Variants in CDH20 observed in about 807,000 individuals in gnomAD.
CDH20 encodes cadherin-20.
Under a neutral mutation model 74.2 loss-of-function variants are expected in CDH20, and 29 were observed. That is an observed-to-expected ratio of 0.39 (90% CI 0.29 to 0.53). CDH20 has a LOEUF of 0.53. Among genes scored for constraint, CDH20 ranks in the 20% least tolerant of loss-of-function variants. The probability of loss-of-function intolerance (pLI) is 0.69; values close to 1 mark genes in which losing one functional copy is unlikely to be tolerated. For synonymous variants in CDH20, 469 were observed against 405.4 expected, an observed-to-expected ratio of 1.16 and a Z score of -1.88; for missense variants, 988 against 1,048.3, an observed-to-expected ratio of 0.94 and a Z score of 0.79.
At chr18:61,408,416 G>A (rs953456368) in intron 1 of CDH20, among the ~76,000 whole-genome samples, 14 of 152,104 alleles carry the variant, frequency 9.2e-5, no homozygotes, top group Non-Finnish European at 8.8e-5. Context: ...AAAGACATAA[G>A]GTTTTAGGCT....
chr18:61,490,477 A>G lies in CDH20; in HGVS notation c.-77A>G. 6.8e-7 allele frequency: 1 copy of G among 1,461,444 alleles called. No individual in the cohort carries two copies. Among genetic ancestry groups the G allele is most frequent in the Non-Finnish European group, 9.5e-7 (1 of 1,057,476 alleles). 90.5% of individuals were successfully genotyped at this position (1,461,444 alleles called of 1,614,324 possible). ...ATAAGTGTCCAATCAAAAACTGTGT[A>G]TTTTTTTAAATTTGGAAAATACTCA... On this transcript the variant is annotated 5_prime_UTR_variant, in exon 2 of 12. Coordinates refer to ENST00000262717, the MANE Select transcript of CDH20 (RefSeq NM_031891.4).
intron 9 of CDH20, among the ~76,000 whole-genome samples, chr18:61,541,759 T>C (rs78624803): frequency 0.015 from 2,243 of 152,314 alleles, 60 homozygotes; most frequent in African/African-American, 0.051. Flanking sequence ...CAGCTTCACA[T>C]CTGACAAGTC....
chr18:61,395,348 G>A lies in CDH20; in HGVS notation c.-153+61521G>A, dbSNP rs143879172. On this transcript the variant is annotated intron_variant, in intron 1 of 11. Coordinates refer to ENST00000262717, the MANE Select transcript of CDH20 (RefSeq NM_031891.4). ...TAATATATAAAATTCATAGTGCAGT[G>A]CCTGGTACTTGATAAGCACTGAATA... Among the ~76,000 whole-genome samples the A allele has an allele frequency of 3.0e-3, 454 of 152,280 alleles. 1 individual carries two copies. The highest frequency in any genetic ancestry group is 0.02 in the Middle Eastern group (6 of 294).
intron 10 of CDH20, among the ~76,000 whole-genome samples, chr18:61,548,052 TG>T (rs1913313702): frequency 6.6e-6 from 1 of 152,196 alleles, no homozygotes; most frequent in African/African-American, 2.4e-5. Context: ...ACCTGCTTTC[TG>T]AAAAAACAAG....
At chr18:61,372,956 G>A (rs143440815) in intron 1 of CDH20, among the ~76,000 whole-genome samples, 2 of 152,082 alleles carry the variant, frequency 1.3e-5, no homozygotes, top group African/African-American at 2.4e-5. Context: ...CTGATAGAAC[G>A]TAATTCTTCC....
Position 61,528,158 on chromosome 18 carries a change from G to T in CDH20, c.1209G>T (p.Ala403=). Reference sequence around the variant, plus strand: ...TTGTGGAGGTGCCTGAGGATGTGGCGATTGGAACAACCATACAGATCATTT... The same window carrying T: ...TTGTGGAGGTGCCTGAGGATGTGGCTATTGGAACAACCATACAGATCATTT... ...FYFVEVPEDV[A]IGTTIQIISA... The change falls in exon 7 of 12, where the codon GCG becomes GCT. Residue 403 remains alanine, a synonymous_variant. Transcript: ENST00000262717. 3 of 1,614,024 alleles carry T rather than the reference G, an allele frequency of 1.9e-6. No individual in the cohort carries two copies. Among genetic ancestry groups the T allele is most frequent in the Non-Finnish European group, 2.5e-6 (3 of 1,179,982 alleles).
chr18:61,542,742 T>A (rs977506882), intron 9 of CDH20, among the ~76,000 whole-genome samples: 2 of 152,056 alleles, frequency 1.3e-5, no homozygotes, highest in African/African-American at 4.8e-5. Context: ...AGCATCTGCA[T>A]CTAGGGAGGG....
At chr18:61,451,847 C>G (rs1468069182) in intron 1 of CDH20, among the ~76,000 whole-genome samples, 2 of 152,076 alleles carry the variant, frequency 1.3e-5, no homozygotes, top group African/African-American at 4.8e-5. Flanking sequence ...TAGCACACTA[C>G]TGCTTAGGGA....
intron 1 of CDH20, among the ~76,000 whole-genome samples, chr18:61,364,304 G>GTGTT (rs757382907): frequency 1.1e-3 from 165 of 152,032 alleles, no homozygotes; most frequent in African/African-American, 2.7e-3. Flanking sequence ...TGAATGAGGT[G>GTGTT]TGTTTGTTTG....
intron 1 of CDH20, among the ~76,000 whole-genome samples, chr18:61,453,641 A>G (rs1909473403): frequency 6.6e-6 from 1 of 152,216 alleles, no homozygotes; most frequent in Admixed American, 6.5e-5. Context: ...GCGTGTATCA[A>G]TGACTTCCTT....
chr18:61,394,746 T>G (rs7237834), intron 1 of CDH20, among the ~76,000 whole-genome samples: 91,769 of 151,732 alleles, frequency 0.6, 28,171 homozygotes, highest in African/African-American at 0.66. Flanking sequence ...GAACTCCTCA[T>G]GGCCTCCATG....
chr18:61,430,650 T>C (rs1913223533), intron 1 of CDH20, among the ~76,000 whole-genome samples: 1 of 152,208 alleles, frequency 6.6e-6, no homozygotes, highest in Non-Finnish European at 1.5e-5. Flanking sequence ...TTTTTTTCAG[T>C]ATGAACTAAT....
chr18:61,411,330 A>G (rs1568128896), intron 1 of CDH20, among the ~76,000 whole-genome samples: 2 of 152,186 alleles, frequency 1.3e-5, no homozygotes, highest in East Asian at 1.9e-4. Context: ...TACAGCCACT[A>G]TGGAAAACAG....
At chr18:61,470,160 G>A (rs914325614) in intron 1 of CDH20, among the ~76,000 whole-genome samples, 31 of 152,112 alleles carry the variant, frequency 2.0e-4, no homozygotes, top group Admixed American at 1.5e-3. Flanking sequence ...CTATAAATGC[G>A]TATCATACAC....
At chr18:61,409,740 A>G (rs1912437262) in intron 1 of CDH20, among the ~76,000 whole-genome samples, 1 of 152,234 alleles carries the variant, frequency 6.6e-6, no homozygotes, top group South Asian at 2.1e-4. Context: ...ATAACGTAGT[A>G]CATTAACTAA....
At chr18:61,370,855 A>T (rs1911013475) in intron 1 of CDH20, among the ~76,000 whole-genome samples, 1 of 152,100 alleles carries the variant, frequency 6.6e-6, no homozygotes, top group Admixed American at 6.6e-5. Flanking sequence ...TTTTTTGAAA[A>T]GTATTCAGTG....
intron 1 of CDH20, among the ~76,000 whole-genome samples, chr18:61,467,112 T>C: frequency 6.6e-6 from 1 of 152,072 alleles, no homozygotes; most frequent in South Asian, 2.1e-4. Flanking sequence ...AGACAGACAC[T>C]CCTAAAGGTG....
intron 1 of CDH20, among the ~76,000 whole-genome samples, chr18:61,380,034 C>T (rs1169131787): frequency 2.0e-5 from 3 of 152,114 alleles, no homozygotes; most frequent in East Asian, 1.9e-4. Flanking sequence ...CAGGCAGACA[C>T]GCGGATGTTT....
chr18:61,546,472 T>C (rs997927752), intron 10 of CDH20, among the ~76,000 whole-genome samples: 2 of 152,204 alleles, frequency 1.3e-5, no homozygotes, highest in Non-Finnish European at 1.5e-5. Context: ...CAATTAAATA[T>C]CCTGAAGTTT....
Sources: gnomAD v4.1 joint callset for allele counts (sites outside exome capture counted in the v4.1 genomes callset) on GRCh38, gnomAD v4.1.1 for gene constraint, MANE v1.5 for transcripts, NCBI Gene and HGNC (gene_info 2026-07-23, HGNC 2026-07-21) for gene names.